Variants in PCCA observed in about 807,000 individuals in gnomAD.
PCCA encodes the protein propionyl-CoA carboxylase alpha chain, mitochondrial.
PCCA carries 74 observed loss-of-function variants against 101.3 expected under a neutral mutation model. The ratio of observed to expected loss-of-function variants is 0.73; its 90% CI spans 0.61 to 0.89. The LOEUF (loss-of-function observed/expected upper bound fraction) is 0.89. PCCA is among the 40% of genes least tolerant of loss of function. The pLI is 0.00. For synonymous variants in PCCA, 294 were observed against 313.6 expected, an observed-to-expected ratio of 0.94 and a Z score of 0.66; for missense variants, 891 against 907.0, an observed-to-expected ratio of 0.98 and a Z score of 0.23.
intron 4 of PCCA, among the ~76,000 whole-genome samples, chr13:100,133,654 T>C (rs2050798738): frequency 6.6e-6 from 1 of 152,182 alleles, no homozygotes; most frequent in African/African-American, 2.4e-5. Flanking sequence ...TTCTCTATTG[T>C]GATGGTTAAT....
chr13:100,197,199 AT>A (rs2058162161), intron 6 of PCCA, among the ~76,000 whole-genome samples: 1 of 151,912 alleles, frequency 6.6e-6, no homozygotes, highest in Admixed American at 6.6e-5. Context: ...TGTTCTCCTT[AT>A]CTTTTATTTT....
chr13:100,186,477 T>G (rs1490041921), intron 6 of PCCA, among the ~76,000 whole-genome samples: 1 of 152,092 alleles, frequency 6.6e-6, no homozygotes, highest in East Asian at 1.9e-4. Flanking sequence ...GCGTGGTGGC[T>G]CATGCCTGTA....
At position 100,522,984 on chromosome 13, in the gene PCCA, C is replaced by T. The variant is rs150255848; in HGVS notation, c.2041-4691C>T. On this transcript the variant is annotated intron_variant, in intron 22 of 23. Coordinates refer to ENST00000376285, the MANE Select transcript of PCCA (RefSeq NM_000282.4). The stretch of plus-strand genomic sequence containing the variant: ...CTTGAGCACCGCTTTCAAGCCTGTG[C>T]TTGTGGGGGCTTCCTTTTATGTTTG... 6.1e-3 allele frequency among the ~76,000 whole-genome samples: 930 copies of T among 152,324 alleles called. 10 individuals are homozygous for T. Among genetic ancestry groups the T allele is most frequent in the African/African-American group, 0.021 (893 of 41,576 alleles).
At chr13:100,409,196 G>T (rs773634034) in intron 19 of PCCA, among the ~76,000 whole-genome samples, 1 of 152,158 alleles carries the variant, frequency 6.6e-6, no homozygotes, top group South Asian at 2.1e-4. Context: ...AGCAGCAGGC[G>T]GTGGGGGCAC....
intron 9 of PCCA, among the ~76,000 whole-genome samples, chr13:100,260,422 A>G (rs2062414591): frequency 7.0e-6 from 1 of 142,998 alleles, no homozygotes; most frequent in Admixed American, 7.0e-5. Flanking sequence ...TTTGAGATGG[A>G]GTCTCGCTCT....
chr13:100,214,520 G>A (rs562198638), intron 7 of PCCA, among the ~76,000 whole-genome samples: 2 of 151,930 alleles, frequency 1.3e-5, no homozygotes, highest in African/African-American at 4.8e-5. Context: ...TGCCTCCCGG[G>A]TTCAAGCGAT....
intron 12 of PCCA, among the ~76,000 whole-genome samples, chr13:100,284,144 G>A (rs957166677): frequency 1.3e-5 from 2 of 152,202 alleles, no homozygotes; most frequent in Non-Finnish European, 2.9e-5. Flanking sequence ...CTTACCATCC[G>A]AGGAATCCTG....
At chr13:100,171,673 G>A (rs2055663753) in intron 6 of PCCA, among the ~76,000 whole-genome samples, 1 of 152,272 alleles carries the variant, frequency 6.6e-6, no homozygotes, top group Middle Eastern at 3.4e-3. Context: ...AGGATCACTT[G>A]AGTCCAGGAG....
chr13:100,405,119 G>C (rs1208695059), intron 19 of PCCA, among the ~76,000 whole-genome samples: 1 of 152,194 alleles, frequency 6.6e-6, no homozygotes, highest in African/African-American at 2.4e-5. Context: ...GACACACCCA[G>C]ATAACTGGTG....
chr13:100,520,070 G>C (rs1298600552), intron 22 of PCCA, among the ~76,000 whole-genome samples: 3 of 152,244 alleles, frequency 2.0e-5, no homozygotes, highest in Non-Finnish European at 4.4e-5. Context: ...CATGTACACA[G>C]AGATCCATGC....
At chr13:100,266,706 A>G (rs2062959577) in intron 10 of PCCA, among the ~76,000 whole-genome samples, 2 of 152,134 alleles carry the variant, frequency 1.3e-5, no homozygotes, top group Non-Finnish European at 2.9e-5. Context: ...CCACAATGAA[A>G]CTGCACTGGT....
In PCCA at chr13:100,519,240, A is replaced by ATTTC. The variant is rs552809537; in HGVS notation, c.2040+3684_2040+3687dup. Among the ~76,000 whole-genome samples, 30 of 152,386 alleles carry ATTTC rather than the reference A, an allele frequency of 2.0e-4. No homozygotes were observed. The South Asian group carries it at 6.0e-3, about 30-fold the overall frequency. On this transcript the variant is annotated intron_variant, in intron 22 of 23. Coordinates refer to ENST00000376285, the MANE Select transcript of PCCA (RefSeq NM_000282.4). ...CATAAGCTGCTATATACTCATCTGC[A>ATTTC]TTTCTTTCTTTCTTAACAATTAGTG... is the stretch of plus-strand genomic sequence containing the variant.
At chr13:100,301,399 G>T in intron 12 of PCCA, 61 bp from the exon 13 acceptor site, 3 of 1,590,164 alleles carry the variant, frequency 1.9e-6, no homozygotes, top group Non-Finnish European at 2.6e-6. Flanking sequence ...GATTTTTCTT[G>T]TTTGTTTCTA....
intron 19 of PCCA, among the ~76,000 whole-genome samples, chr13:100,402,260 G>GT (rs888386767): frequency 2.0e-4 from 29 of 143,978 alleles, no homozygotes; most frequent in South Asian, 4.4e-4. Flanking sequence ...TTTGTTTTTT[G>GT]TTTTTTTTTT....
intron 19 of PCCA, among the ~76,000 whole-genome samples, chr13:100,406,608 G>T (rs1490959258): frequency 6.6e-6 from 1 of 152,218 alleles, no homozygotes; most frequent in Non-Finnish European, 1.5e-5. Context: ...GGAGGCTGAG[G>T]TAGGAGAATC....
intron 21 of PCCA, among the ~76,000 whole-genome samples, chr13:100,482,558 T>A (rs1179513129): frequency 6.6e-6 from 1 of 152,200 alleles, no homozygotes; most frequent in Non-Finnish European, 1.5e-5. Context: ...TTAGAAATAC[T>A]CTTATTGACA....
intron 20 of PCCA, among the ~76,000 whole-genome samples, chr13:100,426,665 T>A (rs1335874782): frequency 6.6e-6 from 1 of 152,220 alleles, no homozygotes; most frequent in African/African-American, 2.4e-5. Context: ...ATCTCTATGG[T>A]TCCAAGTAAC....
At chr13:100,503,750 A>T (rs577574348) in intron 21 of PCCA, among the ~76,000 whole-genome samples, 113 of 151,754 alleles carry the variant, frequency 7.4e-4, no homozygotes, top group African/African-American at 2.5e-3. Flanking sequence ...CAAAAAATTT[A>T]AAAAAAAATT....
chr13:100,203,656 G>A (rs1330363799), intron 6 of PCCA, among the ~76,000 whole-genome samples: 1 of 152,130 alleles, frequency 6.6e-6, no homozygotes, highest in Non-Finnish European at 1.5e-5. Context: ...TTGCACCGCT[G>A]CACTCCGGAG....
Sources: allele counts gnomAD v4.1 joint callset (sites outside exome capture counted in the v4.1 genomes callset), GRCh38; gene constraint gnomAD v4.1.1; transcripts MANE v1.5; gene names NCBI Gene and HGNC (gene_info 2026-07-23, HGNC 2026-07-21).